Variants in HDLBP observed in about 807,000 individuals in gnomAD.
The protein encoded by HDLBP is vigilin.
Under a neutral mutation model 137.3 loss-of-function variants are expected in HDLBP, and 30 were observed. That is an observed-to-expected ratio of 0.22 (90% CI 0.16 to 0.30). The LOEUF is 0.30. HDLBP is among the 10% of genes least tolerant of loss of function. HDLBP has a pLI of 1.00. For missense variants in HDLBP, 1,119 were observed against 1,667.3 expected (o/e 0.67, Z 5.73); for synonymous variants, 606 against 596.0 (o/e 1.02, Z -0.24).
At chr2:241,277,287 AG>A (rs2074424958) in intron 1 of HDLBP, among the ~76,000 whole-genome samples, 1 of 152,176 alleles carries the variant, frequency 6.6e-6, no homozygotes, top group African/African-American at 2.4e-5. Flanking sequence ...TACTGAAACT[AG>A]AACAAAAAAC....
chr2:241,284,008 C>T (rs890569600), intron 1 of HDLBP, among the ~76,000 whole-genome samples: 4 of 148,194 alleles, frequency 2.7e-5, no homozygotes, highest in South Asian at 2.2e-4. Flanking sequence ...TTAAGCTCAC[C>T]GTTAAGATCT....
chr2:241,294,483 CA>C (rs2075110701), intron 1 of HDLBP, among the ~76,000 whole-genome samples: 1 of 152,136 alleles, frequency 6.6e-6, no homozygotes, highest in African/African-American at 2.4e-5. Context: ...TTATTTGAGA[CA>C]GAGTCTCGCT....
intron 12 of HDLBP, 116 bp downstream of exon 12, chr2:241,249,725 G>A (rs557479962): frequency 1.3e-5 from 13 of 1,011,128 alleles, no homozygotes; most frequent in East Asian, 1.3e-4. Context: ...CCAGTGCAAC[G>A]TGGGATTTGT....
intron 1 of HDLBP, among the ~76,000 whole-genome samples, chr2:241,274,464 C>A (rs2074318233): frequency 6.6e-6 from 1 of 152,170 alleles, no homozygotes; most frequent in Admixed American, 6.5e-5. Flanking sequence ...AACCAATCAG[C>A]AACTAGTGCA....
At position 241,246,780 on chromosome 2, in the gene HDLBP, C is replaced by T. The variant is rs2071715081; in HGVS notation, c.1922G>A (p.Ser641Asn). 6.2e-7 allele frequency: 1 copy of T among 1,614,194 alleles called. No individual in the cohort carries two copies. Among genetic ancestry groups the T allele is most frequent in the Non-Finnish European group, 8.5e-7 (1 of 1,180,006 alleles). ...GTCTTTCTGAATAGACAGAATCCTG[C>T]TCCGGGCAGCTTCGCAGTTGGCTCG... ...GKRANCEAAR[S>N]RILSIQKDLA... The change falls in exon 16 of 28, where the codon AGC (serine) becomes AAC (asparagine). Residue 641 changes from serine to asparagine, a missense_variant. Physicochemically the swap from Ser to Asn is conservative, Grantham distance 46. Coordinates refer to ENST00000310931, the MANE Select transcript of HDLBP (RefSeq NM_005336.6).
intron 1 of HDLBP, among the ~76,000 whole-genome samples, chr2:241,307,260 A>G (rs909184400): frequency 3.9e-5 from 6 of 152,184 alleles, no homozygotes; most frequent in African/African-American, 1.4e-4. Context: ...CAAGCCCTAG[A>G]GTGGATCTGA....
At chr2:241,290,045 T>C (rs1018132351) in intron 1 of HDLBP, among the ~76,000 whole-genome samples, 1 of 152,008 alleles carries the variant, frequency 6.6e-6, no homozygotes, top group African/African-American at 2.4e-5. Context: ...AAGCAACACA[T>C]AGCATAAAAG....
intron 11 of HDLBP, 85 bp from the exon 12 acceptor site, chr2:241,250,065 C>T (rs73016074): frequency 3.2e-5 from 42 of 1,324,812 alleles, no homozygotes; most frequent in Non-Finnish European, 3.9e-5. Context: ...AGCGCTAAAG[C>T]GCTAAATAAC....
chr2:241,271,040 C>A, intron 1 of HDLBP: 1 of 985,402 alleles, frequency 1.0e-6, no homozygotes, highest in Non-Finnish European at 1.2e-6. Flanking sequence ...TGTAAACGCT[C>A]CACCTCAAGT....
intron 12 of HDLBP, 144 bp from the exon 13 acceptor site, chr2:241,248,492 C>G: frequency 1.5e-6 from 1 of 672,580 alleles, no homozygotes; most frequent in Non-Finnish European, 2.7e-6. Flanking sequence ...CGTAGCACCC[C>G]GGGAGCAACC....
At chr2:241,303,120 G>A (rs908673533) in intron 1 of HDLBP, among the ~76,000 whole-genome samples, 1 of 152,180 alleles carries the variant, frequency 6.6e-6, no homozygotes, top group Non-Finnish European at 1.5e-5. Context: ...ACTGCACCTG[G>A]TTGAAGTTAT....
At chr2:241,299,463 T>C (rs920432786) in intron 1 of HDLBP, among the ~76,000 whole-genome samples, 1 of 125,342 alleles carries the variant, frequency 8.0e-6, no homozygotes, top group African/African-American at 3.2e-5. Context: ...GAGGTTGCAG[T>C]GAGCCAAGAT....
intron 1 of HDLBP, among the ~76,000 whole-genome samples, chr2:241,286,405 G>C (rs907153822): frequency 7.2e-5 from 11 of 152,188 alleles, no homozygotes; most frequent in African/African-American, 2.4e-4. Context: ...AGATAAATGC[G>C]TATCTGACTG....
chr2:241,236,875 AAAGG>A, intron 20 of HDLBP, 106 bp from the exon 21 acceptor site: 1 of 1,191,578 alleles, frequency 8.4e-7, no homozygotes, highest in Non-Finnish European at 1.2e-6. Context: ...CTGGGTGGTA[AAAGG>A]GAGGGAAAAC....
At chr2:241,245,080 TAA>T (rs2149429881) in intron 16 of HDLBP, among the ~76,000 whole-genome samples, 1 of 152,318 alleles carries the variant, frequency 6.6e-6, no homozygotes, top group South Asian at 2.1e-4. Context: ...AAAATTACAG[TAA>T]GTTATTTAAC....
In HDLBP at chr2:241,253,517, G is replaced by C; in HGVS notation, c.1189-20C>G. Reference sequence around the variant, plus strand: ...GTGAACCTACCACACCAAAACCAAAGAGATAGCTAAAACAGAATGGCACAG... The same window carrying C: ...GTGAACCTACCACACCAAAACCAAACAGATAGCTAAAACAGAATGGCACAG... On this transcript the variant is annotated intron_variant, in intron 9 of 27. Coordinates refer to ENST00000310931, the MANE Select transcript of HDLBP (RefSeq NM_005336.6). 11 of 1,547,690 alleles carry C rather than the reference G, an allele frequency of 7.1e-6. No individual in the cohort carries two copies. Among genetic ancestry groups the C allele is most frequent in the Non-Finnish European group, 9.8e-6 (11 of 1,119,520 alleles).
intron 1 of HDLBP, among the ~76,000 whole-genome samples, chr2:241,274,385 T>C (rs1304182454): frequency 6.6e-6 from 1 of 152,218 alleles, no homozygotes; most frequent in Non-Finnish European, 1.5e-5. Context: ...TGGGCCTCCC[T>C]AGATGTGGAA....
chr2:241,280,925 T>C (rs2074572427), intron 1 of HDLBP, among the ~76,000 whole-genome samples: 1 of 152,218 alleles, frequency 6.6e-6, no homozygotes, highest in South Asian at 2.1e-4. Flanking sequence ...AATTAATACA[T>C]TTAGTGGAGT....
intron 5 of HDLBP, among the ~76,000 whole-genome samples, chr2:241,257,680 C>T (rs4675973): frequency 0.34 from 51,010 of 152,076 alleles, 9,233 homozygotes; most frequent in East Asian, 0.73. Flanking sequence ...AGATGGCGAT[C>T]ATCCCAATTA....
Sources: allele counts gnomAD v4.1 joint callset (sites outside exome capture counted in the v4.1 genomes callset), GRCh38; gene constraint gnomAD v4.1.1; transcripts MANE v1.5; gene names NCBI Gene and HGNC (gene_info 2026-07-23, HGNC 2026-07-21).